Variants in DPP10 observed in about 807,000 individuals in gnomAD.
DPP10 encodes inactive dipeptidyl peptidase 10.
A neutral mutation model predicts 120.9 loss-of-function variants in DPP10; 33 were observed. The observed-to-expected ratio is 0.27, with a 90% CI of 0.21 to 0.37. The LOEUF (loss-of-function observed/expected upper bound fraction) is 0.37. Ranked by LOEUF, DPP10 falls within the 10% of genes least tolerant of loss-of-function variation. DPP10 has a pLI of 1.00. For missense variants in DPP10, 816 were observed against 942.8 expected, an observed-to-expected ratio of 0.87 and a Z score of 1.76; for synonymous variants, 337 against 326.1, an observed-to-expected ratio of 1.03 and a Z score of -0.36.
intron 3 of DPP10, among the ~76,000 whole-genome samples, chr2:115,379,445 T>C (rs2066106458): frequency 6.6e-6 from 1 of 152,208 alleles, no homozygotes; most frequent in South Asian, 2.1e-4. Context: ...TTCTCTCTTT[T>C]TTTGTTTATT....
intron 5 of DPP10, among the ~76,000 whole-genome samples, chr2:115,680,650 C>G (rs931056996): frequency 6.6e-6 from 1 of 151,850 alleles, no homozygotes; most frequent in East Asian, 1.9e-4. Flanking sequence ...CAATGTTAAG[C>G]TAGTTAAGCT....
At chr2:114,866,445 C>T (rs972414313) in intron 1 of DPP10, among the ~76,000 whole-genome samples, 8 of 151,996 alleles carry the variant, frequency 5.3e-5, no homozygotes, top group Non-Finnish European at 1.0e-4. Context: ...ATATAACTTA[C>T]AATAGTTAGG....
intron 3 of DPP10, among the ~76,000 whole-genome samples, chr2:115,364,189 G>T (rs1465663321): frequency 6.6e-6 from 1 of 151,996 alleles, no homozygotes. Flanking sequence ...TCACCAGCCT[G>T]TATTTCCTCT....
chr2:115,286,532 T>TATATA (rs2060406700), intron 1 of DPP10, among the ~76,000 whole-genome samples: 1 of 116,516 alleles, frequency 8.6e-6, no homozygotes, highest in African/African-American at 3.0e-5. Context: ...ATATAATATA[T>TATATA]ATATATATAA....
chr2:115,410,189 A>C (rs987706337), intron 3 of DPP10, among the ~76,000 whole-genome samples: 1 of 152,228 alleles, frequency 6.6e-6, no homozygotes, highest in Non-Finnish European at 1.5e-5. Flanking sequence ...GCATATGTTC[A>C]TTGCAGCACT....
At chr2:114,509,303 G>A (rs1028764610) in intron 1 of DPP10, among the ~76,000 whole-genome samples, 1 of 152,152 alleles carries the variant, frequency 6.6e-6, no homozygotes, top group Non-Finnish European at 1.5e-5. Context: ...TAATTGTTAT[G>A]AAGATTTGTT....
At position 114,990,264 on chromosome 2, in the gene DPP10, C is replaced by T. The variant is rs549781359; in HGVS notation, c.61-318975C>T. 2.0e-5 allele frequency among the ~76,000 whole-genome samples: 3 copies of T among 152,080 alleles called. No homozygotes were observed. In the East Asian group the frequency reaches 5.8e-4, roughly 29 times the overall value. ...TGAACATATTAATAATGTAAGTTTCCAACACAATCATATAAAGAGATTAGA... is the reference window on the plus strand; with the variant it reads ...TGAACATATTAATAATGTAAGTTTCTAACACAATCATATAAAGAGATTAGA... On this transcript the variant is annotated intron_variant, in intron 1 of 25. Transcript: ENST00000410059.
intron 3 of DPP10, among the ~76,000 whole-genome samples, chr2:115,460,355 G>A (rs2073917864): frequency 6.6e-6 from 1 of 152,042 alleles, no homozygotes; most frequent in Non-Finnish European, 1.5e-5. Flanking sequence ...TGAAATACCA[G>A]GAGTTTTATC....
chr2:114,471,314 C>A (rs1679889356), intron 1 of DPP10, among the ~76,000 whole-genome samples: 1 of 152,092 alleles, frequency 6.6e-6, no homozygotes, highest in Admixed American at 6.6e-5. Flanking sequence ...ATTTTCTTGG[C>A]AAAGTCAAGA....
intron 1 of DPP10, among the ~76,000 whole-genome samples, chr2:115,290,407 A>C (rs912208979): frequency 2.6e-4 from 40 of 152,264 alleles, no homozygotes; most frequent in Middle Eastern, 6.8e-3. Context: ...TATGTGGATA[A>C]ATAGGCAGGT....
intron 19 of DPP10, among the ~76,000 whole-genome samples, chr2:115,803,608 C>A (rs1317241871): frequency 6.6e-6 from 1 of 152,108 alleles, no homozygotes; most frequent in Non-Finnish European, 1.5e-5. Context: ...CCTTCAGGAG[C>A]TCTTTTAGGG....
chr2:114,453,820 A>C (rs1182822461), intron 1 of DPP10, among the ~76,000 whole-genome samples: 1 of 152,214 alleles, frequency 6.6e-6, no homozygotes. Context: ...AGCCTTTTAA[A>C]TTGTGTGTTC....
chr2:115,753,341 T>G, intron 11 of DPP10, 44 bp downstream of exon 11: 1 of 1,533,002 alleles, frequency 6.5e-7, no homozygotes, highest in Non-Finnish European at 8.8e-7. Flanking sequence ...ATGAAGTAGC[T>G]TATGCAGCTT....
intron 1 of DPP10, among the ~76,000 whole-genome samples, chr2:114,779,943 T>C (rs1162526981): frequency 3.3e-5 from 5 of 152,098 alleles, no homozygotes; most frequent in East Asian, 3.9e-4. Flanking sequence ...GAGACCATCC[T>C]GGCTAACATG....
chr2:114,504,943 T>C (rs2104537937), intron 1 of DPP10, among the ~76,000 whole-genome samples: 1 of 149,832 alleles, frequency 6.7e-6, no homozygotes, highest in African/African-American at 2.5e-5. Context: ...TCCCAGCTAC[T>C]CGGGAGGCTG....
chr2:114,879,169 C>T (rs1434591689), intron 1 of DPP10, among the ~76,000 whole-genome samples: 1 of 149,908 alleles, frequency 6.7e-6, no homozygotes, highest in Non-Finnish European at 1.5e-5. Flanking sequence ...ACATTTGTCT[C>T]CCTCCCTACT....
intron 3 of DPP10, among the ~76,000 whole-genome samples, chr2:115,367,878 A>G (rs947141709): frequency 6.7e-6 from 1 of 149,420 alleles, no homozygotes; most frequent in Non-Finnish European, 1.5e-5. Context: ...GGAAAAAAAT[A>G]CTCATTATTC....
chr2:115,425,742 C>T (rs2070395156), intron 3 of DPP10, among the ~76,000 whole-genome samples: 1 of 152,088 alleles, frequency 6.6e-6, no homozygotes, highest in African/African-American at 2.4e-5. Flanking sequence ...ATACCTGAGA[C>T]TGGGAAATTT....
intron 1 of DPP10, among the ~76,000 whole-genome samples, chr2:114,802,677 G>C (rs1423062518): frequency 6.6e-6 from 1 of 152,082 alleles, no homozygotes; most frequent in African/African-American, 2.4e-5. Flanking sequence ...TGGGAGTCAG[G>C]AATTTGCTAG....
Sources: allele counts gnomAD v4.1 joint callset (sites outside exome capture counted in the v4.1 genomes callset), GRCh38; gene constraint gnomAD v4.1.1; transcripts MANE v1.5; gene names NCBI Gene and HGNC (gene_info 2026-07-23, HGNC 2026-07-21).